The following LGSN variants were observed in gnomAD, a reference collection of about 807,000 sequenced individuals.
The protein encoded by LGSN is lengsin.
LGSN carries 21 observed loss-of-function variants against 19.5 expected under a neutral mutation model. The observed-to-expected ratio is 1.07, with a 90% CI of 0.76 to 1.55. The LOEUF is 1.55. Ranked by LOEUF, LGSN falls within the 40% of genes most tolerant of loss-of-function variation. LGSN has a pLI of 0.00. For synonymous variants in LGSN, 257 were observed against 215.6 expected, an observed-to-expected ratio of 1.19 and a Z score of -1.68; for missense variants, 673 against 608.5, an observed-to-expected ratio of 1.11 and a Z score of -1.12.
At chr6:63,427,219 T>C in the LGSN span, among the ~76,000 whole-genome samples, 1 of 151,752 alleles carries the variant, frequency 6.6e-6, no homozygotes, top group Non-Finnish European at 1.5e-5. Context: ...TAATTTTGTA[T>C]TTTTAGTAGA....
At chr6:63,339,676 C>G in the LGSN span, among the ~76,000 whole-genome samples, 1 of 152,044 alleles carries the variant, frequency 6.6e-6, no homozygotes, top group African/African-American at 2.4e-5. Flanking sequence ...CATTTATAAT[C>G]AAGATTGTTA....
intron 1 of LGSN, among the ~76,000 whole-genome samples, chr6:63,301,155 G>C (rs1768165418): frequency 6.6e-6 from 1 of 152,130 alleles, no homozygotes. Flanking sequence ...GCCAGGCATT[G>C]TGGCACACAT....
chr6:63,360,415 C>A, the LGSN span, among the ~76,000 whole-genome samples: 1 of 152,136 alleles, frequency 6.6e-6, no homozygotes, highest in African/African-American at 2.4e-5. Flanking sequence ...TTCATTTGAT[C>A]TTCCATCCTG....
At chr6:63,540,253 GCCCAGATGT>G in the LGSN span, among the ~76,000 whole-genome samples, 8 of 126,948 alleles carry the variant, frequency 6.3e-5, no homozygotes, top group Admixed American at 6.2e-4. Flanking sequence ...AAAGGCAGGA[GCCCAGATGT>G]ATATAGAATC....
the LGSN span, among the ~76,000 whole-genome samples, chr6:63,375,334 A>T: frequency 6.6e-6 from 1 of 151,852 alleles, no homozygotes; most frequent in East Asian, 1.9e-4. Flanking sequence ...TCTTACACAT[A>T]CATATATGTA....
chr6:63,525,594 G>A, the LGSN span, among the ~76,000 whole-genome samples: 47 of 152,202 alleles, frequency 3.1e-4, no homozygotes, highest in African/African-American at 1.0e-3. Flanking sequence ...TCTCCTCTGC[G>A]TTCTGAAGCA....
the LGSN span, among the ~76,000 whole-genome samples, chr6:63,458,176 T>C: frequency 1.3e-5 from 2 of 152,126 alleles, no homozygotes; most frequent in Non-Finnish European, 1.5e-5. Context: ...CAAGCGATTC[T>C]CCTGCCTCAG....
At chr6:63,558,771 C>T in the LGSN span, among the ~76,000 whole-genome samples, 1 of 152,174 alleles carries the variant, frequency 6.6e-6, no homozygotes, top group Admixed American at 6.5e-5. Flanking sequence ...AGGAAATATT[C>T]TTTAAAATAC....
chr6:63,280,129 C>G lies in LGSN; in HGVS notation c.1422G>C (p.Gln474His), dbSNP rs1389013336. The change falls in exon 4 of 4, where the codon CAG becomes CAC. Residue 474 changes from glutamine (Q) to histidine (H), a missense_variant. By Grantham distance (24) the Gln-to-His change is conservative (BLOSUM62 0). Transcript: ENST00000370657. Reference sequence around the variant, plus strand: ...ATCGAATAAAGGTTTCTCCTAGAGCCTGTCTCAGGCATTGATCTTCTTCCA... The same window carrying G: ...ATCGAATAAAGGTTTCTCCTAGAGCGTGTCTCAGGCATTGATCTTCTTCCA... ...VALEEDQCLR[Q>H]ALGETFIRYF... 1 of 1,614,214 alleles carries G rather than the reference C, an allele frequency of 6.2e-7. No individual in the cohort carries two copies. Among genetic ancestry groups the G allele is most frequent in the South Asian group, 1.1e-5 (1 of 91,086 alleles).
chr6:63,434,917 T>C, the LGSN span, among the ~76,000 whole-genome samples: 3 of 152,202 alleles, frequency 2.0e-5, no homozygotes, highest in Non-Finnish European at 4.4e-5. Flanking sequence ...AAGAGTTCCA[T>C]AGGAGCTTTT....
chr6:63,477,521 G>A, the LGSN span, among the ~76,000 whole-genome samples: 4 of 151,920 alleles, frequency 2.6e-5, no homozygotes, highest in African/African-American at 7.2e-5. Flanking sequence ...AAGGAAATAG[G>A]GTTTAACATA....
chr6:63,442,338 G>C, the LGSN span, among the ~76,000 whole-genome samples: 7 of 152,212 alleles, frequency 4.6e-5, no homozygotes, highest in Non-Finnish European at 8.8e-5. Context: ...AAGGGGACCT[G>C]ACCGGGTTGC....
At chr6:63,410,414 C>T in the LGSN span, among the ~76,000 whole-genome samples, 34 of 152,160 alleles carry the variant, frequency 2.2e-4, no homozygotes, top group African/African-American at 6.5e-4. Flanking sequence ...ATTTTTAGTA[C>T]GACTCTGAAA....
chr6:63,412,876 GAA>G, the LGSN span, among the ~76,000 whole-genome samples: 2 of 147,810 alleles, frequency 1.4e-5, no homozygotes, highest in Non-Finnish European at 1.5e-5. Flanking sequence ...AAGAGAAAGA[GAA>G]AGAAAGAGGG....
At chr6:63,315,316 T>A (rs1038856724) in intron 1 of LGSN, among the ~76,000 whole-genome samples, 1 of 152,152 alleles carries the variant, frequency 6.6e-6, no homozygotes, top group South Asian at 2.1e-4. Context: ...CCCACTAGGA[T>A]GATTCAGTCA....
the LGSN span, among the ~76,000 whole-genome samples, chr6:63,349,919 G>C: frequency 2.0e-5 from 3 of 152,138 alleles, no homozygotes. Flanking sequence ...GGCATTTAGG[G>C]ATAAGCTGGT....
At chr6:63,403,582 C>T in the LGSN span, among the ~76,000 whole-genome samples, 1 of 151,596 alleles carries the variant, frequency 6.6e-6, no homozygotes, top group South Asian at 2.1e-4. Flanking sequence ...AAATCAGTGA[C>T]ACCAAAAAAT....
At chr6:63,544,082 G>A in the LGSN span, among the ~76,000 whole-genome samples, 80,860 of 151,932 alleles carry the variant, frequency 0.53, 23,245 homozygotes, top group African/African-American at 0.76. Flanking sequence ...TTTTCTGCCT[G>A]TGAGCTGGTA....
At chr6:63,329,618 A>C in the LGSN span, among the ~76,000 whole-genome samples, 2 of 152,164 alleles carry the variant, frequency 1.3e-5, no homozygotes, top group Non-Finnish European at 2.9e-5. Flanking sequence ...GGGATCTTTT[A>C]ACCTGATTTG....
Sources: gnomAD v4.1 joint callset for allele counts (sites outside exome capture counted in the v4.1 genomes callset) on GRCh38, gnomAD v4.1.1 for gene constraint, MANE v1.5 for transcripts, NCBI Gene and HGNC (gene_info 2026-07-23, HGNC 2026-07-21) for gene names.